Variants in GNG4 observed in about 807,000 individuals in gnomAD.
The protein encoded by GNG4 is G protein subunit gamma 4, also known as guanine nucleotide-binding protein G(I)/G(S)/G(O) subunit gamma-4.
GNG4 carries 4 observed loss-of-function variants against 5.8 expected under a neutral mutation model. The ratio of observed to expected loss-of-function variants is 0.69; its 90% CI spans 0.34 to 1.57. The LOEUF is 1.57. Ranked by LOEUF, GNG4 falls within the 40% of genes most tolerant of loss-of-function variation. The pLI, the probability that GNG4 is intolerant of heterozygous loss-of-function variation, is 0.06. For missense variants in GNG4, 96 were observed against 95.1 expected, an observed-to-expected ratio of 1.01 and a Z score of -0.04; for synonymous variants, 29 against 32.9, an observed-to-expected ratio of 0.88 and a Z score of 0.41.
In GNG4 at chr1:235,552,013, T is replaced by G. The variant is rs1399065601; in HGVS notation, c.*96A>C. ...CCGGCCACTGTTGGCTGGGCAGGGA[T>G]GGGTGTTGGTCTCACTCCCTAAGGC... On this transcript the variant is annotated 3_prime_UTR_variant, in exon 4 of 4. Coordinates refer to ENST00000391854, the MANE Select transcript of GNG4 (RefSeq NM_001098722.2). 2.0e-6 allele frequency: 2 copies of G among 998,956 alleles called. No homozygotes were observed. Among genetic ancestry groups the G allele is most frequent in the Non-Finnish European group, 3.1e-6 (2 of 651,894 alleles). The allele number at this position is 998,956 out of a possible 1,614,324, so 61.9% of individuals were successfully genotyped here.
chr1:235,590,896 T>C (rs1380900836), intron 2 of GNG4, among the ~76,000 whole-genome samples: 2 of 152,216 alleles, frequency 1.3e-5, no homozygotes, highest in African/African-American at 4.8e-5. Flanking sequence ...CCTTAGGGGC[T>C]GTCTCAACTA....
intron 1 of GNG4, 100 bp from the exon 2 acceptor site, chr1:235,595,611 A>G (rs1569897): frequency 0.67 from 101,568 of 152,272 alleles, 34,830 homozygotes; most frequent in East Asian, 0.85. Context: ...CTCTCCTCAA[A>G]CTCAGCAGCC....
chr1:235,596,458 A>G (rs916544395), intron 1 of GNG4, among the ~76,000 whole-genome samples: 1 of 152,158 alleles, frequency 6.6e-6, no homozygotes, highest in Admixed American at 6.6e-5. Context: ...AATCATTTGA[A>G]CCCGACAGGC....
intron 1 of GNG4, among the ~76,000 whole-genome samples, chr1:235,631,145 C>A (rs1293518963): frequency 6.6e-6 from 1 of 152,100 alleles, no homozygotes; most frequent in African/African-American, 2.4e-5. Context: ...GTGATCCGCC[C>A]TCCTCGGCCT....
At chr1:235,638,709 T>C (rs1657209900) in intron 1 of GNG4, among the ~76,000 whole-genome samples, 2 of 152,128 alleles carry the variant, frequency 1.3e-5, no homozygotes, top group East Asian at 1.9e-4. Context: ...CCTGTGTCCA[T>C]GTGTTCTCAT....
intron 1 of GNG4, among the ~76,000 whole-genome samples, chr1:235,597,792 AT>A (rs574320787): frequency 2.1e-4 from 31 of 150,970 alleles, no homozygotes; most frequent in African/African-American, 7.6e-4. Context: ...CACCTGGCTA[AT>A]TTTTTTTCTA....
chr1:235,629,452 G>A (rs867108308), intron 1 of GNG4, among the ~76,000 whole-genome samples: 4 of 152,000 alleles, frequency 2.6e-5, no homozygotes, highest in Non-Finnish European at 4.4e-5. Flanking sequence ...TCTTCCACTC[G>A]CATGCTTTTG....
intron 1 of GNG4, among the ~76,000 whole-genome samples, chr1:235,640,497 G>T (rs1403725573): frequency 6.6e-6 from 1 of 152,218 alleles, no homozygotes; most frequent in Admixed American, 6.5e-5. Context: ...TTTATACACA[G>T]ACTGTGCTAC....
intron 2 of GNG4, among the ~76,000 whole-genome samples, chr1:235,593,932 C>T (rs1395791345): frequency 6.6e-6 from 1 of 152,228 alleles, no homozygotes; most frequent in Non-Finnish European, 1.5e-5. Flanking sequence ...GGGACCCAAG[C>T]AGATTACCCC....
rs1408040696 is a variant in GNG4 at position 235,642,320 on chromosome 1, G to T, written c.-123+7342C>A. On this transcript the variant is annotated intron_variant, in intron 1 of 3. Transcript: ENST00000391854. The surrounding 1 kb of genome is among the most constrained non-coding windows in gnomAD (Gnocchi z 4.3). Reference sequence around the variant, plus strand: ...GCCTCGAGGCCACTGGTGCTTGGGGGTGGGAAAAGAGTGACCGGGGGCAAC... The same window carrying T: ...GCCTCGAGGCCACTGGTGCTTGGGGTTGGGAAAAGAGTGACCGGGGGCAAC... 1.3e-5 allele frequency among the ~76,000 whole-genome samples: 2 copies of T among 152,218 alleles called. No homozygotes were observed. Among genetic ancestry groups the T allele is most frequent in the East Asian group, 1.9e-4 (1 of 5,190 alleles).
At chr1:235,599,966 C>A (rs1410108528) in intron 1 of GNG4, among the ~76,000 whole-genome samples, 1 of 152,122 alleles carries the variant, frequency 6.6e-6, no homozygotes, top group Non-Finnish European at 1.5e-5. Flanking sequence ...AGATGTCAAC[C>A]CACCAGCCTA....
At chr1:235,561,639 C>T (rs1558474449) in intron 3 of GNG4, among the ~76,000 whole-genome samples, 1 of 152,176 alleles carries the variant, frequency 6.6e-6, no homozygotes, top group Non-Finnish European at 1.5e-5. Flanking sequence ...AGGTGATCTG[C>T]CTGCCTCAGC....
chr1:235,622,176 CA>C (rs1294696284), intron 1 of GNG4, among the ~76,000 whole-genome samples: 1 of 152,092 alleles, frequency 6.6e-6, no homozygotes, highest in African/African-American at 2.4e-5. Flanking sequence ...TATATCAATT[CA>C]AAATATTTTC....
intron 3 of GNG4, among the ~76,000 whole-genome samples, chr1:235,581,915 T>G (rs1383132401): frequency 2.6e-5 from 4 of 152,204 alleles, no homozygotes; most frequent in Non-Finnish European, 1.5e-5. Context: ...CAGGTGAAGA[T>G]GCTATTGCAG....
intron 3 of GNG4, chr1:235,566,998 G>A (rs1270466363): frequency 6.6e-6 from 1 of 152,026 alleles, no homozygotes; most frequent in African/African-American, 2.4e-5. Flanking sequence ...CTGGAGTGCA[G>A]TGGTGAGATC....
chr1:235,601,535 G>A (rs1011260734), intron 1 of GNG4, among the ~76,000 whole-genome samples: 3 of 152,200 alleles, frequency 2.0e-5, no homozygotes, highest in African/African-American at 7.2e-5. Flanking sequence ...AAGAGCTCAG[G>A]TGCTGAGGGA....
At chr1:235,592,718 C>T (rs1039281132) in intron 2 of GNG4, among the ~76,000 whole-genome samples, 17 of 152,132 alleles carry the variant, frequency 1.1e-4, no homozygotes, top group East Asian at 1.9e-4. Context: ...ACTGTGCAAC[C>T]GCCATGTGTC....
chr1:235,583,245 G>A (rs933498568), intron 3 of GNG4, among the ~76,000 whole-genome samples: 4 of 152,192 alleles, frequency 2.6e-5, no homozygotes, highest in Non-Finnish European at 5.9e-5. Context: ...CCAGCGTGGA[G>A]AGACCTGCAC....
At chr1:235,645,525 T>C (rs1362162386) in intron 1 of GNG4, among the ~76,000 whole-genome samples, 1 of 152,134 alleles carries the variant, frequency 6.6e-6, no homozygotes, top group Non-Finnish European at 1.5e-5. Flanking sequence ...AGGCTGGGCA[T>C]GGTGGCTCAC....
Sources: allele counts gnomAD v4.1 joint callset (sites outside exome capture counted in the v4.1 genomes callset), GRCh38; gene constraint gnomAD v4.1.1; non-coding constraint Gnocchi (gnomAD v3.1); transcripts MANE v1.5; gene names NCBI Gene and HGNC (gene_info 2026-07-23, HGNC 2026-07-21).